Variants in CNTNAP2 observed in about 807,000 individuals in gnomAD.
CNTNAP2 encodes contactin associated protein 2, also known as contactin-associated protein-like 2.
CNTNAP2 carries 98 observed loss-of-function variants against 155.2 expected under a neutral mutation model. The ratio of observed to expected loss-of-function variants is 0.63; its 90% CI spans 0.54 to 0.75. The LOEUF (loss-of-function observed/expected upper bound fraction) is 0.75. Among genes scored for constraint, CNTNAP2 ranks in the 30% least tolerant of loss-of-function variants. CNTNAP2 has a pLI of 0.00. For missense variants in CNTNAP2, 1,727 were observed against 1,688.1 expected (o/e 1.02, Z -0.40); for synonymous variants, 651 against 631.2 (o/e 1.03, Z -0.47).
chr7:146,167,762 T>C (rs920018260), intron 1 of CNTNAP2, among the ~76,000 whole-genome samples: 1 of 152,138 alleles, frequency 6.6e-6, no homozygotes, highest in Non-Finnish European at 1.5e-5. Flanking sequence ...AGTATAGATG[T>C]ATATATGAAG....
chr7:146,708,551 T>C (rs929064389), intron 1 of CNTNAP2, among the ~76,000 whole-genome samples: 1 of 149,912 alleles, frequency 6.7e-6, no homozygotes, highest in African/African-American at 2.5e-5. Context: ...CCAGTTTTGT[T>C]CTCTCCGGGC....
chr7:146,412,878 G>T (rs1180479466), intron 1 of CNTNAP2, among the ~76,000 whole-genome samples: 2 of 152,124 alleles, frequency 1.3e-5, no homozygotes, highest in South Asian at 4.1e-4. Flanking sequence ...AAAATCCTGG[G>T]ATGACTGCTT....
At chr7:146,560,476 G>A (rs1798263989) in intron 1 of CNTNAP2, among the ~76,000 whole-genome samples, 2 of 151,116 alleles carry the variant, frequency 1.3e-5, no homozygotes, top group Non-Finnish European at 3.0e-5. Flanking sequence ...ATGTGTGTGT[G>A]TATATATATA....
intron 21 of CNTNAP2, among the ~76,000 whole-genome samples, chr7:148,320,374 T>G (rs1313962601): frequency 7.2e-6 from 1 of 138,316 alleles, no homozygotes; most frequent in East Asian, 2.1e-4. Context: ...GAATTTTTTT[T>G]TCTTTTTTTT....
intron 8 of CNTNAP2, among the ~76,000 whole-genome samples, chr7:147,190,325 T>G (rs1404546064): frequency 6.6e-6 from 1 of 152,226 alleles, no homozygotes; most frequent in African/African-American, 2.4e-5. Context: ...GAGTAAGTTT[T>G]GGAGAAACTT....
chr7:146,672,651 A>C (rs1156233770), intron 1 of CNTNAP2, among the ~76,000 whole-genome samples: 1 of 152,210 alleles, frequency 6.6e-6, no homozygotes, highest in South Asian at 2.1e-4. Context: ...ATTACACTCA[A>C]ATGGATTACA....
intron 13 of CNTNAP2, among the ~76,000 whole-genome samples, chr7:147,789,214 GTACAC>G (rs1225807432): frequency 6.6e-6 from 1 of 151,898 alleles, no homozygotes; most frequent in Non-Finnish European, 1.5e-5. Flanking sequence ...GCCCAATAGA[GTACAC>G]TTTAACATTA....
chr7:146,838,368 A>C (rs1387342274), intron 2 of CNTNAP2, among the ~76,000 whole-genome samples: 1 of 152,118 alleles, frequency 6.6e-6, no homozygotes, highest in African/African-American at 2.4e-5. Context: ...CTCAAACTGG[A>C]GTGCAATGGC....
At chr7:146,731,561 T>G (rs543756495) in intron 1 of CNTNAP2, among the ~76,000 whole-genome samples, 30 of 152,200 alleles carry the variant, frequency 2.0e-4, no homozygotes, top group South Asian at 1.7e-3. Context: ...AAACCTTTCA[T>G]AAATCTAAAA....
intron 17 of CNTNAP2, 141 bp from the exon 18 acceptor site, chr7:148,172,101 A>G (rs1016665727): frequency 4.8e-5 from 41 of 846,794 alleles, no homozygotes; most frequent in Non-Finnish European, 5.7e-5. Flanking sequence ...AACTTTCTCT[A>G]TTTAGATAGG....
chr7:147,215,501 T>C (rs763814074), intron 8 of CNTNAP2, among the ~76,000 whole-genome samples: 3 of 152,194 alleles, frequency 2.0e-5, no homozygotes, highest in Non-Finnish European at 2.9e-5. Context: ...GTGTTTAACC[T>C]TATGTCTTTT....
chr7:147,270,790 C>G (rs1804729171), intron 8 of CNTNAP2, among the ~76,000 whole-genome samples: 1 of 152,178 alleles, frequency 6.6e-6, no homozygotes. Context: ...CTCTTTGAAT[C>G]TAGTCAGAGT....
At chr7:147,486,878 T>C (rs2116639923) in intron 11 of CNTNAP2, among the ~76,000 whole-genome samples, 1 of 141,138 alleles carries the variant, frequency 7.1e-6, no homozygotes, top group African/African-American at 2.7e-5. Flanking sequence ...AGTGTGTGCA[T>C]ACGTATGTGC....
chr7:146,662,859 G>A (rs1004886107), intron 1 of CNTNAP2, among the ~76,000 whole-genome samples: 3 of 152,118 alleles, frequency 2.0e-5, no homozygotes, highest in African/African-American at 7.2e-5. Context: ...GTGCCTTCAT[G>A]AGAAATCAAC....
chr7:146,932,375 A>G (rs983892776), intron 3 of CNTNAP2, among the ~76,000 whole-genome samples: 10 of 151,860 alleles, frequency 6.6e-5, no homozygotes, highest in African/African-American at 2.2e-4. Context: ...GGCCTTTGAC[A>G]AAATTCAACA....
At chr7:146,651,407 G>T (rs73739759) in intron 1 of CNTNAP2, among the ~76,000 whole-genome samples, 7,005 of 152,158 alleles carry the variant, frequency 0.046, 538 homozygotes, top group African/African-American at 0.16. Context: ...TAACTAAAAT[G>T]TATAAATGCT....
chr7:147,580,876 A>T (rs1219266491), intron 12 of CNTNAP2, among the ~76,000 whole-genome samples: 1 of 152,188 alleles, frequency 6.6e-6, no homozygotes, highest in East Asian at 1.9e-4. Flanking sequence ...TCAGCCTCCC[A>T]AAGTGCTGGG....
chr7:146,592,664 ATCT>A lies in CNTNAP2; in HGVS notation c.98-181603_98-181601del, dbSNP rs571481121. Among the ~76,000 whole-genome samples the A allele has an allele frequency of 6.8e-4, 103 of 152,300 alleles. 1 individual carries two copies. Among genetic ancestry groups the A allele is most frequent in the South Asian group, 2.7e-3 (13 of 4,820 alleles). On this transcript the variant is annotated intron_variant, in intron 1 of 23. Coordinates refer to ENST00000361727, the MANE Select transcript of CNTNAP2 (RefSeq NM_014141.6). ...ATTCAACCTCAAGTTCAAAAAAATC[ATCT>A]TCTAGATCAAAATGAGGAAAGACTG...
intron 21 of CNTNAP2, among the ~76,000 whole-genome samples, chr7:148,343,837 C>T (rs765124380): frequency 6.6e-6 from 1 of 152,198 alleles, no homozygotes; most frequent in East Asian, 1.9e-4. Flanking sequence ...CGGAATCAAG[C>T]CATCCCATGT....
Sources: gnomAD v4.1 joint callset for allele counts (sites outside exome capture counted in the v4.1 genomes callset) on GRCh38, gnomAD v4.1.1 for gene constraint, MANE v1.5 for transcripts, NCBI Gene and HGNC (gene_info 2026-07-23, HGNC 2026-07-21) for gene names.